Variants in PLCXD3 observed in about 807,000 individuals in gnomAD.
PLCXD3 encodes PI-PLC X domain-containing protein 3.
A neutral mutation model predicts 25.5 loss-of-function variants in PLCXD3; 19 were observed. That is an observed-to-expected ratio of 0.75 (90% CI 0.52 to 1.09). PLCXD3 has a LOEUF of 1.09. PLCXD3 is among the 50% of genes least tolerant of loss of function. PLCXD3 has a pLI of 0.00. For missense variants in PLCXD3, 411 were observed against 388.1 expected (o/e 1.06, Z -0.50); for synonymous variants, 174 against 137.6 (o/e 1.26, Z -1.85).
At chr5:41,376,504 C>A (rs1056112356) in intron 2 of PLCXD3, among the ~76,000 whole-genome samples, 14 of 152,012 alleles carry the variant, frequency 9.2e-5, no homozygotes, top group Non-Finnish European at 1.6e-4. Flanking sequence ...CTCGACTCAT[C>A]CCCCATGTTC....
intron 1 of PLCXD3, among the ~76,000 whole-genome samples, chr5:41,491,063 T>C (rs1199034765): frequency 1.3e-5 from 2 of 152,232 alleles, no homozygotes; most frequent in African/African-American, 4.8e-5. Context: ...CTTTCTCTTG[T>C]GGGCATTTAG....
At chr5:41,335,767 C>T (rs540179056) in intron 2 of PLCXD3, among the ~76,000 whole-genome samples, 2 of 152,090 alleles carry the variant, frequency 1.3e-5, no homozygotes, top group African/African-American at 2.4e-5. Flanking sequence ...GATATGGTCC[C>T]TGACTTGACT....
chr5:41,439,447 T>G (rs1747330066), intron 1 of PLCXD3, among the ~76,000 whole-genome samples: 1 of 152,126 alleles, frequency 6.6e-6, no homozygotes, highest in African/African-American at 2.4e-5. Flanking sequence ...ATGTATTATT[T>G]GGGATTTTCA....
chr5:41,329,063 C>T (rs541982430), intron 2 of PLCXD3, among the ~76,000 whole-genome samples: 5 of 152,330 alleles, frequency 3.3e-5, no homozygotes, highest in Admixed American at 2.0e-4. Flanking sequence ...GCCCCGTTAT[C>T]AGTCTTGCTC....
intron 2 of PLCXD3, among the ~76,000 whole-genome samples, chr5:41,375,623 CCATGCTAA>C (rs1745270585): frequency 6.6e-6 from 1 of 152,140 alleles, no homozygotes; most frequent in Non-Finnish European, 1.5e-5. Flanking sequence ...TTAGGGGGTT[CCATGCTAA>C]CATCCTACCA....
chr5:41,329,588 TA>T (rs1194525197), intron 2 of PLCXD3, among the ~76,000 whole-genome samples: 4 of 152,126 alleles, frequency 2.6e-5, no homozygotes, highest in African/African-American at 7.2e-5. Flanking sequence ...TGAATAAAAG[TA>T]ATTTTTTACA....
intron 1 of PLCXD3, among the ~76,000 whole-genome samples, chr5:41,411,740 ATAAT>A (rs1746527373): frequency 8.3e-6 from 1 of 120,916 alleles, no homozygotes; most frequent in African/African-American, 2.9e-5. Context: ...TTTATATTTT[ATAAT>A]TTTATAATTT....
chr5:41,352,578 T>G (rs1282185282), intron 2 of PLCXD3, among the ~76,000 whole-genome samples: 1 of 152,188 alleles, frequency 6.6e-6, no homozygotes, highest in Non-Finnish European at 1.5e-5. Context: ...ATGTACTTGA[T>G]TAGAATAAAA....
chr5:41,425,038 A>G (rs778279416), intron 1 of PLCXD3, among the ~76,000 whole-genome samples: 1 of 152,140 alleles, frequency 6.6e-6, no homozygotes, highest in Non-Finnish European at 1.5e-5. Flanking sequence ...TTTTGGGGCT[A>G]TTTTGGTGGT....
intron 1 of PLCXD3, among the ~76,000 whole-genome samples, chr5:41,427,087 G>A (rs77649601): frequency 0.1 from 15,607 of 152,092 alleles, 1,025 homozygotes; most frequent in Admixed American, 0.17. Context: ...ATGTTTCCAT[G>A]TGGATAAATT....
At chr5:41,404,036 G>C (rs1420581948) in intron 1 of PLCXD3, among the ~76,000 whole-genome samples, 1 of 152,154 alleles carries the variant, frequency 6.6e-6, no homozygotes, top group African/African-American at 2.4e-5. Flanking sequence ...GTATCAAAAT[G>C]CATTAACTTC....
At chr5:41,505,227 ATG>A (rs148730096) in intron 1 of PLCXD3, among the ~76,000 whole-genome samples, 8 of 151,146 alleles carry the variant, frequency 5.3e-5, no homozygotes, top group East Asian at 1.9e-4. Context: ...GTGTGTGTGC[ATG>A]TGTGTGTGTG....
Position 41,361,361 on chromosome 5 carries a change from A to G in PLCXD3, c.812+20465T>C, listed in dbSNP as rs550461371. On this transcript the variant is annotated intron_variant, in intron 2 of 2. Coordinates refer to ENST00000377801, the MANE Select transcript of PLCXD3 (RefSeq NM_001005473.3). Reference sequence around the variant, plus strand: ...CTGCTGAGAAAGCAGGCAGACCCGCAGTTTTTTGGTGTCTCAGGGAGCCTG... The same window carrying G: ...CTGCTGAGAAAGCAGGCAGACCCGCGGTTTTTTGGTGTCTCAGGGAGCCTG... Among the ~76,000 whole-genome samples, 9 of 152,302 alleles carry G rather than the reference A, an allele frequency of 5.9e-5. No individual in the cohort carries two copies. The South Asian group carries it at 1.7e-3, about 28-fold the overall frequency.
At chr5:41,487,618 T>C (rs1408251576) in intron 1 of PLCXD3, among the ~76,000 whole-genome samples, 1 of 152,152 alleles carries the variant, frequency 6.6e-6, no homozygotes, top group Non-Finnish European at 1.5e-5. Flanking sequence ...ACAAAGTAAT[T>C]GTTAGAAAAA....
chr5:41,388,515 G>A (rs1745709777), intron 1 of PLCXD3, among the ~76,000 whole-genome samples: 1 of 152,020 alleles, frequency 6.6e-6, no homozygotes, highest in Non-Finnish European at 1.5e-5. Flanking sequence ...TGATCAGATT[G>A]TGCTGCATTG....
intron 1 of PLCXD3, among the ~76,000 whole-genome samples, chr5:41,472,509 A>T (rs1202327189): frequency 3.3e-5 from 5 of 152,340 alleles, no homozygotes; most frequent in Middle Eastern, 3.4e-3. Flanking sequence ...GGAAATGGCT[A>T]TTATTATTAA....
intron 1 of PLCXD3, among the ~76,000 whole-genome samples, chr5:41,410,158 G>A (rs1261365185): frequency 1.4e-5 from 1 of 74,026 alleles, no homozygotes; most frequent in Non-Finnish European, 2.9e-5. Flanking sequence ...TTTTTTTTTT[G>A]AGACGGAGTC....
intron 2 of PLCXD3, among the ~76,000 whole-genome samples, chr5:41,322,233 GA>G (rs1421973009): frequency 2.0e-5 from 3 of 152,106 alleles, no homozygotes; most frequent in Admixed American, 2.0e-4. Flanking sequence ...AACTTTATAG[GA>G]AAAAAAGCTA....
chr5:41,508,365 A>G (rs1738931206), intron 1 of PLCXD3, among the ~76,000 whole-genome samples: 1 of 152,206 alleles, frequency 6.6e-6, no homozygotes, highest in Admixed American at 6.5e-5. Context: ...TCATCCAGAT[A>G]CAAATCACAA....
Sources: gnomAD v4.1 joint callset for allele counts (sites outside exome capture counted in the v4.1 genomes callset) on GRCh38, gnomAD v4.1.1 for gene constraint, MANE v1.5 for transcripts, NCBI Gene and HGNC (gene_info 2026-07-23, HGNC 2026-07-21) for gene names.